CGREF1: variants seen among roughly 807,000 people sequenced by gnomAD.
CGREF1 encodes the protein cell growth regulator with EF hand domain protein 1.
In CGREF1, 16 loss-of-function variants were observed where a neutral mutation model predicts 17.4. The ratio of observed to expected loss-of-function variants is 0.92; its 90% CI spans 0.62 to 1.40. CGREF1 has a LOEUF of 1.40. Ranked by LOEUF, CGREF1 falls within the 40% of genes most tolerant of loss-of-function variation. The probability of loss-of-function intolerance (pLI) is 0.00; values close to 1 mark genes in which losing one functional copy is unlikely to be tolerated. For missense variants in CGREF1, 296 were observed against 376.4 expected (o/e 0.79, Z 1.77); for synonymous variants, 142 against 154.6 (o/e 0.92, Z 0.61).
At chr2:27,100,131 C>T (rs1367667889), downstream of CGREF1, 2 of 537,022 alleles carry the variant, frequency 3.7e-6, no homozygotes, top group Admixed American at 3.2e-5. Flanking sequence ...GGGCTTGCCA[C>T]CAGCTCTGCC....
Position 27,118,998 on chromosome 2 carries a change from C to A in CGREF1, c.-164G>T, listed in dbSNP as rs1293374579. On this transcript the variant is annotated 5_prime_UTR_variant, in exon 1 of 6. Coordinates refer to ENST00000402394, the MANE Select transcript of CGREF1 (RefSeq NM_006569.6). ...TCCCGGCTGGAGCCGCCGCCCTGGCCGGGCAGAGTCCGGAGCCAGTGCCAG... is the reference window on the plus strand; with the variant it reads ...TCCCGGCTGGAGCCGCCGCCCTGGCAGGGCAGAGTCCGGAGCCAGTGCCAG... The A allele has an allele frequency of 3.9e-5, 6 of 152,002 alleles. No homozygotes were observed. The highest frequency in any genetic ancestry group is 1.8e-4 in the South Asian group (1 of 5,456). The allele number at this position is 152,002 out of a possible 1,614,324, so 9.4% of individuals were successfully genotyped here. A position where few individuals can be genotyped will look rare whatever the true frequency, so the allele number is the denominator to read the frequency against.
intron 1 of CGREF1, among the ~76,000 whole-genome samples, chr2:27,109,100 G>C (rs1011723624): frequency 6.6e-6 from 1 of 152,114 alleles, no homozygotes; most frequent in African/African-American, 2.4e-5. Flanking sequence ...AGCTGGATAT[G>C]AGTTCGTGCC....
intron 1 of CGREF1, among the ~76,000 whole-genome samples, chr2:27,112,414 A>C (rs1671425284): frequency 6.6e-6 from 1 of 152,256 alleles, no homozygotes; most frequent in Admixed American, 6.5e-5. Flanking sequence ...GAAAAACTTA[A>C]TAGCAAAACT....
At chr2:27,101,977 C>T (rs1441007754) in intron 5 of CGREF1, 89 bp from the exon 6 acceptor site, 46 of 1,563,650 alleles carry the variant, frequency 2.9e-5, no homozygotes, top group East Asian at 4.5e-5. Flanking sequence ...GCATCCCTGC[C>T]GTGCAAGCTC....
chr2:27,118,551 C>T (rs571228547), intron 1 of CGREF1, among the ~76,000 whole-genome samples: 2 of 152,314 alleles, frequency 1.3e-5, no homozygotes, highest in South Asian at 2.1e-4. Flanking sequence ...TGCCCCTCCC[C>T]CAGGACTGCT....
chr2:27,101,132 A>G lies in CGREF1; in HGVS notation c.*142T>C. ...TGCCCCTTAACTTAGGGTCTCCCTG[A>G]GCTGCACAGAAAGACCTGATACCTA... On this transcript the variant is annotated 3_prime_UTR_variant, in exon 6 of 6. Coordinates refer to ENST00000402394, the MANE Select transcript of CGREF1 (RefSeq NM_006569.6). The G allele has an allele frequency of 6.9e-7, 1 of 1,442,172 alleles. No individual in the cohort carries two copies. Among genetic ancestry groups the G allele is most frequent in the Non-Finnish European group, 9.0e-7 (1 of 1,105,376 alleles). 89.3% of individuals were successfully genotyped at this position (1,442,172 alleles called of 1,614,324 possible).
Position 27,102,605 on chromosome 2 carries a change from G to A in CGREF1, c.81-14C>T, listed in dbSNP as rs778429562. ...TCAGAGTCTGGCCTGGAGGAGGAAGGGGAGGACCAGCCTTGCAGAGAGCCT... is the reference window on the plus strand; with the variant it reads ...TCAGAGTCTGGCCTGGAGGAGGAAGAGGAGGACCAGCCTTGCAGAGAGCCT... On this transcript the variant is annotated splice_polypyrimidine_tract_variant and intron_variant, in intron 2 of 5. Transcript: ENST00000402394. The A allele has an allele frequency of 6.2e-7, 1 of 1,608,286 alleles. No homozygotes were observed. Among genetic ancestry groups the A allele is most frequent in the South Asian group, 1.1e-5 (1 of 90,914 alleles).
At chr2:27,099,771 C>A (rs754301324), downstream of CGREF1, 2 of 1,608,108 alleles carry the variant, frequency 1.2e-6, no homozygotes, top group East Asian at 2.2e-5. Flanking sequence ...CGGCTCCTCA[C>A]ACACCATGGA....
chr2:27,106,071 A>C (rs1671108228), intron 1 of CGREF1, among the ~76,000 whole-genome samples: 1 of 152,222 alleles, frequency 6.6e-6, no homozygotes, highest in African/African-American at 2.4e-5. Context: ...ATTGGAACTG[A>C]GATCTCTGTA....
chr2:27,104,564 T>C (rs1422964201), intron 1 of CGREF1, 187 bp from the exon 2 acceptor site: 4 of 1,550,590 alleles, frequency 2.6e-6, no homozygotes, highest in African/African-American at 1.4e-5. Context: ...TCAAAATAAA[T>C]GTCACTCCAG....
chr2:27,100,574 G>A, downstream of CGREF1: 1 of 1,280,628 alleles, frequency 7.8e-7, no homozygotes. Context: ...AATGTAAAGG[G>A]CTTTAGAGTG....
chr2:27,114,723 T>C (rs535583982), intron 1 of CGREF1, among the ~76,000 whole-genome samples: 2 of 152,010 alleles, frequency 1.3e-5, no homozygotes, highest in South Asian at 2.1e-4. Context: ...TAGAAACAGA[T>C]GCCTGAGAAG....
At chr2:27,112,042 G>T (rs907160477) in intron 1 of CGREF1, among the ~76,000 whole-genome samples, 4 of 152,246 alleles carry the variant, frequency 2.6e-5, no homozygotes, top group African/African-American at 9.6e-5. Context: ...GGCTGAGGCA[G>T]AAGGATTGCT....
At chr2:27,117,897 T>C (rs1671643934) in intron 1 of CGREF1, among the ~76,000 whole-genome samples, 2 of 152,104 alleles carry the variant, frequency 1.3e-5, no homozygotes, top group Admixed American at 6.5e-5. Flanking sequence ...TTTTTGTATT[T>C]TTAGCAGAGA....
intron 1 of CGREF1, among the ~76,000 whole-genome samples, chr2:27,106,503 TGAA>T (rs1671125257): frequency 1.3e-5 from 2 of 152,192 alleles, no homozygotes. Context: ...AAATTTGTCA[TGAA>T]GAAGGGCAGC....
intron 1 of CGREF1, among the ~76,000 whole-genome samples, chr2:27,109,612 G>A (rs1444781497): frequency 3.9e-5 from 6 of 151,910 alleles, no homozygotes; most frequent in South Asian, 2.1e-4. Flanking sequence ...AAGGCTGGGC[G>A]CGGTGGCTCA....
chr2:27,100,968 G>T lies in CGREF1; in HGVS notation c.*306C>A. ...CCATGCGCTCTGCTGCCGGAGCACC[G>T]TGAGGCCCAGAAACACTGGGCAGGC... On this transcript the variant is annotated 3_prime_UTR_variant, in exon 6 of 6. Coordinates refer to ENST00000402394, the MANE Select transcript of CGREF1 (RefSeq NM_006569.6). 8.5e-7 allele frequency: 1 copy of T among 1,173,036 alleles called. No homozygotes were observed. Among genetic ancestry groups the T allele is most frequent in the Non-Finnish European group, 1.1e-6 (1 of 948,910 alleles). 72.7% of individuals were successfully genotyped at this position (1,173,036 alleles called of 1,614,324 possible). A position where few individuals can be genotyped will look rare whatever the true frequency, so the allele number is the denominator to read the frequency against.
intron 1 of CGREF1, chr2:27,104,783 A>G: frequency 6.8e-7 from 1 of 1,469,136 alleles, no homozygotes; most frequent in Non-Finnish European, 9.0e-7. Context: ...CCAGGTAAGA[A>G]ACGCAGGGAG....
chr2:27,109,430 A>C (rs1273113689), intron 1 of CGREF1, among the ~76,000 whole-genome samples: 4 of 152,144 alleles, frequency 2.6e-5, no homozygotes, highest in Non-Finnish European at 4.4e-5. Flanking sequence ...GAAATCACAA[A>C]GTATGTGGCT....
Sources: allele counts gnomAD v4.1 joint callset (sites outside exome capture counted in the v4.1 genomes callset), GRCh38; gene constraint gnomAD v4.1.1; transcripts MANE v1.5; gene names NCBI Gene and HGNC (gene_info 2026-07-23, HGNC 2026-07-21).